Variants in CBFA2T2 observed in about 807,000 individuals in gnomAD.
CBFA2T2 encodes protein CBFA2T2.
A neutral mutation model predicts 62.2 loss-of-function variants in CBFA2T2; 11 were observed. The observed-to-expected ratio is 0.18, with a 90% CI of 0.11 to 0.29. The LOEUF is 0.29. Among genes scored for constraint, CBFA2T2 ranks in the 10% least tolerant of loss-of-function variants. CBFA2T2 has a pLI of 1.00. For missense variants in CBFA2T2, 592 were observed against 774.1 expected (o/e 0.76, Z 2.79); for synonymous variants, 295 against 287.5 (o/e 1.03, Z -0.27).
At chr20:33,609,211 C>G (rs2015439192) in intron 2 of CBFA2T2, among the ~76,000 whole-genome samples, 1 of 151,938 alleles carries the variant, frequency 6.6e-6, no homozygotes, top group South Asian at 2.1e-4. Flanking sequence ...TAGAAATAAA[C>G]AAGCATAGGC....
chr20:33,609,502 T>C (rs955387768), intron 2 of CBFA2T2, among the ~76,000 whole-genome samples: 1 of 147,254 alleles, frequency 6.8e-6, no homozygotes, highest in Admixed American at 6.8e-5. Context: ...ACTCGGTCTC[T>C]AAAAAAAAAA....
At chr20:33,570,152 A>G (rs986890515) in intron 1 of CBFA2T2, among the ~76,000 whole-genome samples, 6 of 152,172 alleles carry the variant, frequency 3.9e-5, no homozygotes, top group Admixed American at 6.5e-5. Flanking sequence ...GTGGTGGCAC[A>G]TGCCTGTAAT....
intron 1 of CBFA2T2, among the ~76,000 whole-genome samples, chr20:33,588,036 T>G (rs1483304407): frequency 6.6e-6 from 1 of 152,214 alleles, no homozygotes; most frequent in Non-Finnish European, 1.5e-5. Flanking sequence ...AACTATAGAC[T>G]GAGAGAACTA....
At chr20:33,531,330 G>A (rs1037407891) in intron 1 of CBFA2T2, among the ~76,000 whole-genome samples, 4 of 152,186 alleles carry the variant, frequency 2.6e-5, no homozygotes, top group Admixed American at 2.0e-4. Context: ...CTAAAGCTCA[G>A]AGCGGGGAAA....
intron 1 of CBFA2T2, among the ~76,000 whole-genome samples, chr20:33,530,750 A>G (rs2146869375): frequency 6.6e-6 from 1 of 152,194 alleles, no homozygotes; most frequent in African/African-American, 2.4e-5. Flanking sequence ...GAAGCACTAT[A>G]AAAGCACATG....
At chr20:33,559,193 T>TTTTTTTTTTTTC (rs1555835221) in intron 1 of CBFA2T2, among the ~76,000 whole-genome samples, 14 of 144,000 alleles carry the variant, frequency 9.7e-5, no homozygotes, top group African/African-American at 3.6e-4. Context: ...TTTTTTTTTT[T>TTTTTTTTTTTTC]CTGAGATGGA....
intron 1 of CBFA2T2, among the ~76,000 whole-genome samples, chr20:33,533,715 T>G (rs957077752): frequency 4.6e-5 from 7 of 152,044 alleles, no homozygotes; most frequent in Admixed American, 3.3e-4. Flanking sequence ...GGCTCATGCC[T>G]GTAATCCCAG....
chr20:33,585,983 T>G (rs1426813290), intron 1 of CBFA2T2, among the ~76,000 whole-genome samples: 1 of 152,180 alleles, frequency 6.6e-6, no homozygotes, highest in Non-Finnish European at 1.5e-5. Flanking sequence ...AGAAAAATAG[T>G]GATTATTTCT....
At chr20:33,494,362 A>G (rs1340658779) in intron 1 of CBFA2T2, among the ~76,000 whole-genome samples, 3 of 125,066 alleles carry the variant, frequency 2.4e-5, no homozygotes, top group Admixed American at 9.3e-5. Context: ...GCTCACTGCA[A>G]GCTCCACCTC....
At chr20:33,506,647 G>C (rs1412365264) in intron 1 of CBFA2T2, among the ~76,000 whole-genome samples, 1 of 152,162 alleles carries the variant, frequency 6.6e-6, no homozygotes, top group African/African-American at 2.4e-5. Flanking sequence ...TTTAGATAGT[G>C]ATTAACCATC....
chr20:33,604,627 G>C (rs1182727978), intron 1 of CBFA2T2, among the ~76,000 whole-genome samples: 2 of 152,210 alleles, frequency 1.3e-5, no homozygotes, highest in Non-Finnish European at 2.9e-5. Flanking sequence ...TCAGCGTTCT[G>C]CATTTGGGCT....
At chr20:33,607,814 GGGT>G (rs1244139671) in intron 2 of CBFA2T2, among the ~76,000 whole-genome samples, 1 of 152,136 alleles carries the variant, frequency 6.6e-6, no homozygotes, top group East Asian at 1.9e-4. Context: ...GAGGTACAAG[GGGT>G]AAGACTTCAA....
intron 2 of CBFA2T2, among the ~76,000 whole-genome samples, chr20:33,608,273 C>A (rs919754949): frequency 6.6e-6 from 1 of 152,170 alleles, no homozygotes; most frequent in African/African-American, 2.4e-5. Context: ...AGATCTTTTG[C>A]CTGTAAACCA....
At position 33,634,610 on chromosome 20, in the gene CBFA2T2, G is replaced by A. The variant is rs146043388; in HGVS notation, c.1229-2030G>A. 3.6e-3 allele frequency among the ~76,000 whole-genome samples: 514 copies of A among 142,988 alleles called. 4 individuals are homozygous for A. The highest frequency in any genetic ancestry group is 0.013 in the African/African-American group (491 of 38,796). 93.8% of individuals were successfully genotyped at this position (142,988 alleles called of 152,430 possible). On this transcript the variant is annotated intron_variant, in intron 8 of 10. Coordinates refer to ENST00000342704, the MANE Select transcript of CBFA2T2 (RefSeq NM_001032999.3). ...GGCTTGAGCCCAGGAGGCAGAACTTGCAGTGAGCTGAGTTCGTGCCAATGC... is the reference window on the plus strand; with the variant it reads ...GGCTTGAGCCCAGGAGGCAGAACTTACAGTGAGCTGAGTTCGTGCCAATGC...
At chr20:33,491,196 T>C (rs1035528771) in intron 1 of CBFA2T2, among the ~76,000 whole-genome samples, 2 of 152,214 alleles carry the variant, frequency 1.3e-5, no homozygotes, top group East Asian at 3.8e-4. Context: ...CAACATTTTT[T>C]TGAGCACCAG....
At chr20:33,642,085 G>T (rs1322655178) in intron 10 of CBFA2T2, among the ~76,000 whole-genome samples, 1 of 144,180 alleles carries the variant, frequency 6.9e-6, no homozygotes, top group Non-Finnish European at 1.5e-5. Flanking sequence ...CTCCCTTTTC[G>T]TTCTCTCCTC....
At chr20:33,513,432 T>A (rs1407857653) in intron 1 of CBFA2T2, among the ~76,000 whole-genome samples, 2 of 151,368 alleles carry the variant, frequency 1.3e-5, no homozygotes, top group Non-Finnish European at 2.9e-5. Flanking sequence ...CAGTATCAGC[T>A]CACTGCAACC....
rs74868423 is a variant in CBFA2T2 at position 33,611,060 on chromosome 20, G to A, written c.179-34G>A. 2.3e-4 allele frequency: 376 copies of A among 1,610,366 alleles called. 2 individuals carry two copies. The East Asian group carries it at 8.1e-3, about 35-fold the overall frequency. ...GAACAAAGGTTCCCTTGTTTTACAC[G>A]TAACCTGAGTCTTTCATTTTGGCTT... On this transcript the variant is annotated intron_variant, in intron 2 of 10. Coordinates refer to ENST00000342704, the MANE Select transcript of CBFA2T2 (RefSeq NM_001032999.3).
chr20:33,622,258 AG>A (rs1389128269), intron 4 of CBFA2T2, among the ~76,000 whole-genome samples: 1 of 152,252 alleles, frequency 6.6e-6, no homozygotes, highest in Non-Finnish European at 1.5e-5. Context: ...GCTTTAAAAC[AG>A]TCACTAATTA....
Sources: allele counts gnomAD v4.1 joint callset (sites outside exome capture counted in the v4.1 genomes callset), GRCh38; gene constraint gnomAD v4.1.1; transcripts MANE v1.5; gene names NCBI Gene and HGNC (gene_info 2026-07-23, HGNC 2026-07-21).